Variants in WNT2 observed in about 807,000 individuals in gnomAD.
WNT2 encodes the protein protein Wnt-2.
A neutral mutation model predicts 36.9 loss-of-function variants in WNT2; 12 were observed. That is an observed-to-expected ratio of 0.33 (90% CI 0.21 to 0.53). WNT2 has a LOEUF of 0.53. Among genes scored for constraint, WNT2 ranks in the 20% least tolerant of loss-of-function variants. WNT2 has a pLI of 0.95. For synonymous variants in WNT2, 163 were observed against 174.6 expected (o/e 0.93, Z 0.52); for missense variants, 379 against 473.1 (o/e 0.80, Z 1.84).
At position 117,277,679 on chromosome 7, in the gene WNT2, TA is replaced by T. The variant is rs1389795331; in HGVS notation, c.*475del. On this transcript the variant is annotated 3_prime_UTR_variant, in exon 5 of 5. Transcript: ENST00000265441. ...CAAAAGTCTTGGTCTTTTCAAAAGT[TA>T]AAGTTAAGTCAGGGGCAGTTGATTC... The T allele has an allele frequency of 6.2e-6, 1 of 161,922 alleles. No individual in the cohort carries two copies. Among genetic ancestry groups the T allele is most frequent in the Non-Finnish European group, 1.4e-5 (1 of 73,188 alleles). The allele number at this position is 161,922 out of a possible 1,614,324, so 10.0% of individuals were successfully genotyped here. A position where few individuals can be genotyped will look rare whatever the true frequency, so the allele number is the denominator to read the frequency against.
chr7:117,286,115 T>C (rs927310077), intron 4 of WNT2, among the ~76,000 whole-genome samples: 1 of 152,112 alleles, frequency 6.6e-6, no homozygotes, highest in African/African-American at 2.4e-5. Context: ...AGCTCACAAA[T>C]GCATAAGATT....
chr7:117,287,464 C>A (rs903850887), intron 4 of WNT2, among the ~76,000 whole-genome samples: 12 of 152,200 alleles, frequency 7.9e-5, no homozygotes, highest in South Asian at 2.1e-4. Context: ...TTCTATACAG[C>A]ACTTTCGGTC....
At chr7:117,319,662 C>T (rs1385235118) in intron 2 of WNT2, among the ~76,000 whole-genome samples, 2 of 152,092 alleles carry the variant, frequency 1.3e-5, no homozygotes, top group Non-Finnish European at 2.9e-5. Flanking sequence ...GCCAGGTTAG[C>T]AGATGGGTAT....
intron 3 of WNT2, among the ~76,000 whole-genome samples, chr7:117,302,685 G>A (rs1794931140): frequency 6.6e-6 from 1 of 152,168 alleles, no homozygotes; most frequent in African/African-American, 2.4e-5. Context: ...GTAGGAAAAT[G>A]GCTAAGCAAA....
rs62469410 is a variant in WNT2 at position 117,284,253 on chromosome 7, C to T, written c.854-5869G>A. Among the ~76,000 whole-genome samples the T allele has an allele frequency of 9.4e-3, 1,432 of 152,202 alleles. 12 individuals carry two copies. Among genetic ancestry groups the T allele is most frequent in the Non-Finnish European group, 0.015 (1,008 of 68,024 alleles). ...TCCCCTTAATGAATTACAATAAAGACTCATTATTATCAATAGCAGTAGGGC... is the reference window on the plus strand; with the variant it reads ...TCCCCTTAATGAATTACAATAAAGATTCATTATTATCAATAGCAGTAGGGC... On this transcript the variant is annotated intron_variant, in intron 4 of 4. Transcript: ENST00000265441. This position sits in a 1 kb window ranked among gnomAD's most constrained non-coding sequence, Gnocchi z 5.2.
chr7:117,298,996 C>A (rs1794849702), intron 3 of WNT2, among the ~76,000 whole-genome samples: 2 of 152,176 alleles, frequency 1.3e-5, no homozygotes, highest in South Asian at 4.1e-4. Context: ...GTACCCACTA[C>A]ATTTGAAATT....
chr7:117,319,242 TTTA>T (rs1795275833), intron 2 of WNT2, among the ~76,000 whole-genome samples: 1 of 152,204 alleles, frequency 6.6e-6, no homozygotes, highest in African/African-American at 2.4e-5. Flanking sequence ...GAAGCTGAAA[TTTA>T]TTATTAACCT....
At position 117,310,777 on chromosome 7, in the gene WNT2, T is replaced by G. The variant is rs143700538; in HGVS notation, c.588+4294A>C. Reference sequence around the variant, plus strand: ...AGTCCCTTCATCCTGGAAAGTGCTTTCCATATCTCAACCATGGGAAATCTT... The same window carrying G: ...AGTCCCTTCATCCTGGAAAGTGCTTGCCATATCTCAACCATGGGAAATCTT... On this transcript the variant is annotated intron_variant, in intron 3 of 4. Transcript: ENST00000265441. Among the ~76,000 whole-genome samples, 265 of 152,252 alleles carry G rather than the reference T, an allele frequency of 1.7e-3. 1 individual carries two copies. The highest frequency in any genetic ancestry group is 6.3e-3 in the African/African-American group (261 of 41,530).
At chr7:117,306,648 G>T (rs1643998604) in intron 3 of WNT2, among the ~76,000 whole-genome samples, 1 of 152,032 alleles carries the variant, frequency 6.6e-6, no homozygotes, top group Admixed American at 6.6e-5. Flanking sequence ...GTATGCTCCT[G>T]TTCTCAATTC....
At chr7:117,297,922 A>T in intron 3 of WNT2, 46 bp from the exon 4 acceptor site, 1 of 1,565,062 alleles carries the variant, frequency 6.4e-7, no homozygotes. Context: ...CGAGCAGGTG[A>T]CACATGCTCC....
chr7:117,300,474 C>T (rs547760729), intron 3 of WNT2, among the ~76,000 whole-genome samples: 3 of 152,100 alleles, frequency 2.0e-5, no homozygotes, highest in African/African-American at 4.8e-5. Context: ...CGTGAGCCAT[C>T]GTACCTGGCC....
intron 3 of WNT2, 26 bp from the exon 4 acceptor site, chr7:117,297,902 C>G: frequency 1.3e-6 from 2 of 1,591,988 alleles, no homozygotes; most frequent in South Asian, 2.3e-5. Context: ...GGGGCAAGTT[C>G]AGTGAGGTTC....
At chr7:117,299,494 CTT>C (rs113776491) in intron 3 of WNT2, among the ~76,000 whole-genome samples, 3,001 of 138,722 alleles carry the variant, frequency 0.022, 51 homozygotes, top group African/African-American at 0.048. Context: ...TTCTTTCTTT[CTT>C]TTTTTTTTTT....
chr7:117,316,613 C>G (rs1795224353), intron 2 of WNT2, among the ~76,000 whole-genome samples: 2 of 152,164 alleles, frequency 1.3e-5, no homozygotes, highest in African/African-American at 4.8e-5. Flanking sequence ...TTATACATCC[C>G]TTGCAATATT....
intron 2 of WNT2, among the ~76,000 whole-genome samples, chr7:117,317,836 A>G (rs940990379): frequency 6.6e-6 from 1 of 152,186 alleles, no homozygotes; most frequent in Non-Finnish European, 1.5e-5. Flanking sequence ...TCTAGAAGCT[A>G]GGGTTTCTTG....
intron 3 of WNT2, among the ~76,000 whole-genome samples, chr7:117,305,590 G>A (rs1218492358): frequency 1.3e-4 from 20 of 152,162 alleles, no homozygotes; most frequent in Admixed American, 1.3e-3. Context: ...GTAGTAAAAA[G>A]GCATTTAGGA....
chr7:117,315,518 T>A (rs1795200280), intron 2 of WNT2, among the ~76,000 whole-genome samples, 170 bp from the exon 3 acceptor site: 1 of 152,256 alleles, frequency 6.6e-6, no homozygotes, highest in Non-Finnish European at 1.5e-5. Context: ...CTTTCTTTAA[T>A]ATGAACCATC....
intron 3 of WNT2, among the ~76,000 whole-genome samples, chr7:117,305,925 G>A (rs533040379): frequency 1.3e-5 from 2 of 152,300 alleles, no homozygotes; most frequent in East Asian, 3.9e-4. Flanking sequence ...ATGGGGAGAA[G>A]GGAGGGGTTG....
At position 117,322,811 on chromosome 7, in the gene WNT2, C is replaced by A. The variant is rs1795354158; in HGVS notation, c.83+96G>T. ...TTCGGGCCAGAATCCGAGACTGCTG[C>A]GGCCGCGGGGGAACGCAGCCAGGAA... is the stretch of plus-strand genomic sequence containing the variant. On this transcript the variant is annotated intron_variant, in intron 1 of 4. Transcript: ENST00000265441. This position sits in a 1 kb window ranked among gnomAD's most constrained non-coding sequence, Gnocchi z 5.4. 2.3e-6 allele frequency: 3 copies of A among 1,288,998 alleles called. No individual in the cohort carries two copies. The highest frequency in any genetic ancestry group is 1.8e-5 in the Admixed American group (1 of 56,940). The allele number at this position is 1,288,998 out of a possible 1,614,324, so 79.8% of individuals were successfully genotyped here. A position where few individuals can be genotyped will look rare whatever the true frequency, so the allele number is the denominator to read the frequency against.
Sources: allele counts gnomAD v4.1 joint callset (sites outside exome capture counted in the v4.1 genomes callset), GRCh38; gene constraint gnomAD v4.1.1; non-coding constraint Gnocchi (gnomAD v3.1); transcripts MANE v1.5; gene names NCBI Gene and HGNC (gene_info 2026-07-23, HGNC 2026-07-21).